The following SLC9A9 variants were observed in gnomAD, a reference collection of about 807,000 sequenced individuals.
SLC9A9 encodes the protein solute carrier family 9 member A9, also known as sodium/hydrogen exchanger 9.
In SLC9A9, 62 loss-of-function variants were observed where a neutral mutation model predicts 77.8. That is an observed-to-expected ratio of 0.80 (90% confidence interval 0.65 to 0.98). The LOEUF (loss-of-function observed/expected upper bound fraction) is 0.98, where lower values mean the gene tolerates loss of function less well. Ranked by LOEUF, SLC9A9 falls within the 50% of genes least tolerant of loss-of-function variation. The probability of loss-of-function intolerance (pLI) is 0.00; values close to 1 mark genes in which losing one functional copy is unlikely to be tolerated. For synonymous variants in SLC9A9, 320 were observed against 283.5 expected (o/e 1.13, Z -1.29); for missense variants, 775 against 774.9 (o/e 1.00, Z 0.00).
intron 5 of SLC9A9, among the ~76,000 whole-genome samples, chr3:143,670,795 G>T (rs901452402): frequency 6.6e-6 from 1 of 152,224 alleles, no homozygotes; most frequent in African/African-American, 2.4e-5. Flanking sequence ...GCTGAGAGCA[G>T]AACCTGTGTC....
At chr3:143,517,597 C>T in intron 9 of SLC9A9, 2 of 1,597,508 alleles carry the variant, frequency 1.3e-6, no homozygotes, top group Non-Finnish European at 8.5e-7. Flanking sequence ...CATCATAATC[C>T]AATTTACAGG....
chr3:143,670,791 A>G (rs935184201), intron 5 of SLC9A9, among the ~76,000 whole-genome samples: 20 of 152,156 alleles, frequency 1.3e-4, no homozygotes, highest in African/African-American at 3.9e-4. Flanking sequence ...GCATGCTGAG[A>G]GCAGAACCTG....
intron 2 of SLC9A9, among the ~76,000 whole-genome samples, chr3:143,824,771 A>T (rs10212608): frequency 0.56 from 84,877 of 152,186 alleles, 26,433 homozygotes; most frequent in Non-Finnish European, 0.69. Context: ...TGGAATATTT[A>T]GAGTCTTTAA....
At chr3:143,576,579 C>G (rs1283481148) in intron 7 of SLC9A9, among the ~76,000 whole-genome samples, 1 of 152,140 alleles carries the variant, frequency 6.6e-6, no homozygotes, top group African/African-American at 2.4e-5. Flanking sequence ...TAAACAACAC[C>G]TGGCCTCCAC....
chr3:143,838,283 T>C (rs927222574), intron 1 of SLC9A9, among the ~76,000 whole-genome samples: 1 of 152,146 alleles, frequency 6.6e-6, no homozygotes, highest in African/African-American at 2.4e-5. Context: ...CATGTTGTTT[T>C]AGGGAGAGGT....
intron 14 of SLC9A9, among the ~76,000 whole-genome samples, chr3:143,339,135 C>A (rs769090998): frequency 2.6e-5 from 4 of 152,148 alleles, no homozygotes; most frequent in Non-Finnish European, 5.9e-5. Context: ...ATTTTGGTTT[C>A]TTTGTGCCAC....
intron 8 of SLC9A9, among the ~76,000 whole-genome samples, chr3:143,570,323 A>G (rs371800504): frequency 6.6e-6 from 1 of 152,320 alleles, no homozygotes; most frequent in South Asian, 2.1e-4. Context: ...CTTGATTATC[A>G]AATTAGCAGT....
intron 2 of SLC9A9, among the ~76,000 whole-genome samples, chr3:143,814,865 C>A (rs996734818): frequency 1.3e-5 from 2 of 152,082 alleles, no homozygotes; most frequent in Admixed American, 6.5e-5. Flanking sequence ...TTCTGACTGC[C>A]TTACACCAAG....
intron 12 of SLC9A9, among the ~76,000 whole-genome samples, chr3:143,395,411 C>T (rs1197640730): frequency 5.3e-5 from 8 of 152,334 alleles, no homozygotes. Context: ...AAAACTGAAA[C>T]TGGATCCCTT....
Position 143,840,638 on chromosome 3 carries a change from A to C in SLC9A9, c.175+7510T>G, listed in dbSNP as rs76026808. Among the ~76,000 whole-genome samples the C allele has an allele frequency of 2.0e-5, 3 of 152,178 alleles. No individual in the cohort carries two copies. In the East Asian group the frequency reaches 5.8e-4, roughly 29 times the overall value. On this transcript the variant is annotated intron_variant, in intron 1 of 15. Coordinates refer to ENST00000316549, the MANE Select transcript of SLC9A9 (RefSeq NM_173653.4). Reference sequence around the variant, plus strand: ...GTTTTGCCCCCATTCTGTTTCCCACAGTGGGCTTTTTGCTATAGACAGTGG... The same window carrying C: ...GTTTTGCCCCCATTCTGTTTCCCACCGTGGGCTTTTTGCTATAGACAGTGG...
At chr3:143,328,709 G>A (rs112814110) in intron 14 of SLC9A9, among the ~76,000 whole-genome samples, 99 of 152,252 alleles carry the variant, frequency 6.5e-4, no homozygotes, top group South Asian at 2.5e-3. Context: ...GGCCTCTCCT[G>A]TTTCTACCAC....
intron 6 of SLC9A9, among the ~76,000 whole-genome samples, chr3:143,650,497 A>G (rs1396566630): frequency 6.6e-6 from 1 of 152,232 alleles, no homozygotes; most frequent in Non-Finnish European, 1.5e-5. Context: ...GCACTGGTAG[A>G]CAGCCTGGAC....
intron 14 of SLC9A9, among the ~76,000 whole-genome samples, chr3:143,319,751 A>T (rs2031349492): frequency 6.6e-6 from 1 of 152,234 alleles, no homozygotes; most frequent in South Asian, 2.1e-4. Context: ...GGGGAAGGTG[A>T]CAAGCCAGTA....
At chr3:143,836,786 C>T (rs1047573857) in intron 1 of SLC9A9, among the ~76,000 whole-genome samples, 6 of 152,162 alleles carry the variant, frequency 3.9e-5, no homozygotes, top group African/African-American at 1.4e-4. Flanking sequence ...GCCACAGACA[C>T]CTAAGGCATT....
chr3:143,715,615 C>T (rs1934322481), intron 4 of SLC9A9, among the ~76,000 whole-genome samples: 1 of 152,206 alleles, frequency 6.6e-6, no homozygotes, highest in African/African-American at 2.4e-5. Flanking sequence ...TCTTAGCCAT[C>T]TCCAGATCCC....
At chr3:143,794,955 A>G in intron 4 of SLC9A9, 46 bp downstream of exon 4, 2 of 1,550,664 alleles carry the variant, frequency 1.3e-6, no homozygotes, top group Non-Finnish European at 1.8e-6. Flanking sequence ...CACACAGATC[A>G]CAGACCCCAC....
intron 9 of SLC9A9, among the ~76,000 whole-genome samples, chr3:143,512,666 A>G (rs566753885): frequency 7.2e-5 from 11 of 152,340 alleles, no homozygotes; most frequent in African/African-American, 2.6e-4. Flanking sequence ...TCACGAGGTC[A>G]GGAGTTCAAG....
intron 14 of SLC9A9, among the ~76,000 whole-genome samples, chr3:143,348,810 G>A (rs1473353608): frequency 1.3e-5 from 2 of 152,156 alleles, no homozygotes; most frequent in Admixed American, 6.5e-5. Context: ...TGTCTAGAAC[G>A]CTTTGGGTAC....
chr3:143,428,589 G>A (rs1175268337), intron 12 of SLC9A9, among the ~76,000 whole-genome samples: 1 of 152,168 alleles, frequency 6.6e-6, no homozygotes, highest in Admixed American at 6.5e-5. Flanking sequence ...TAGTGGGTGT[G>A]TATCCAAATG....
Sources: allele counts gnomAD v4.1 joint callset (sites outside exome capture counted in the v4.1 genomes callset), GRCh38; gene constraint gnomAD v4.1.1; transcripts MANE v1.5; gene names NCBI Gene and HGNC (gene_info 2026-07-23, HGNC 2026-07-21).